Variants in CENPI observed in about 807,000 individuals in gnomAD.
CENPI encodes the protein FSH primary response 1.
Under a neutral mutation model 60.4 loss-of-function variants are expected in CENPI, and 4 were observed. The observed-to-expected ratio is 0.07, with a 90% CI of 0.03 to 0.15. The LOEUF is 0.15. Among genes scored for constraint, CENPI ranks in the 10% least tolerant of loss-of-function variants. The pLI is 1.00. For synonymous variants in CENPI, 157 were observed against 189.4 expected (o/e 0.83, Z 1.40); for missense variants, 444 against 534.5 (o/e 0.83, Z 1.67).
intron 7 of CENPI, 99 bp from the exon 8 acceptor site, chrX:101,120,639 C>T: frequency 1.2e-6 from 1 of 806,901 alleles, no homozygotes. Context: ...TGATATGTTA[C>T]AAGAAGAAAC....
rs1269101204 is a variant in CENPI at position 101,162,467 on chromosome X, A to AT, written c.2137-366_2137-365insT. On this transcript the variant is annotated intron_variant, in intron 21 of 21. Transcript: ENST00000682095. ...CAAAACCGTATCTCAAAAAAAAAAA[A>AT]AAAAAAATATATATATATATATATA... 2.3e-3 allele frequency among the ~76,000 whole-genome samples: 206 copies of AT among 89,358 alleles called. 1 individual carries two copies. Among genetic ancestry groups the AT allele is most frequent in the African/African-American group, 7.5e-3 (142 of 18,878 alleles). The allele number at this position is 89,358 out of a possible 115,157, so 77.6% of individuals were successfully genotyped here.
chrX:101,143,287 G>A (rs2148226691), intron 16 of CENPI, among the ~76,000 whole-genome samples: 2 of 110,202 alleles, frequency 1.8e-5, no homozygotes, highest in South Asian at 7.9e-4. Flanking sequence ...AGATAGGAGG[G>A]CAAAGCTATG....
At chrX:101,130,111 T>G (rs752971736) in intron 13 of CENPI, 38 bp downstream of exon 13, 1 of 953,690 alleles carries the variant, frequency 1.0e-6, no homozygotes, top group Admixed American at 2.3e-5. Flanking sequence ...TCCACCACTC[T>G]TTACTAAAAT....
At chrX:101,115,860 A>ATAGTATC (rs2089616904) in intron 6 of CENPI, among the ~76,000 whole-genome samples, 1 of 111,705 alleles carries the variant, frequency 9.0e-6, no homozygotes, top group Non-Finnish European at 1.9e-5. Context: ...ATCTGTCTCT[A>ATAGTATC]TGAATTTGCC....
At chrX:101,099,464 T>A (rs1353513654) in intron 2 of CENPI, among the ~76,000 whole-genome samples, 1 of 109,403 alleles carries the variant, frequency 9.1e-6, no homozygotes, top group Non-Finnish European at 1.9e-5. Flanking sequence ...TGTCTCACTA[T>A]GTTGCCCTCA....
At chrX:101,128,439 A>G (rs1410661734) in intron 11 of CENPI, among the ~76,000 whole-genome samples, 1 of 111,644 alleles carries the variant, frequency 9.0e-6, no homozygotes, top group Non-Finnish European at 1.9e-5. Context: ...CAGAGGTTGC[A>G]CTGAGCTGAG....
At chrX:101,126,870 T>G (rs1235660210) in intron 9 of CENPI, 72 bp downstream of exon 9, 1 of 946,560 alleles carries the variant, frequency 1.1e-6, no homozygotes, top group African/African-American at 1.9e-5. Context: ...AACTTACAGA[T>G]TTCAACTAAA....
At position 101,127,132 on chromosome X, in the gene CENPI, T is replaced by C. The variant is rs2089744378; in HGVS notation, c.778-6T>C. On this transcript the variant is annotated splice_polypyrimidine_tract_variant and splice_region_variant and intron_variant, in intron 9 of 21. Coordinates refer to ENST00000682095, the MANE Select transcript of CENPI (RefSeq NM_001386188.2). ...ACTCTCTTGTACTTTATATCCAAAT[T>C]TATAGATATATTTTAAGAATTCAGA... is the stretch of plus-strand genomic sequence containing the variant. The C allele has an allele frequency of 8.6e-7, 1 of 1,161,679 alleles. No individual in the cohort carries two copies. Among genetic ancestry groups the C allele is most frequent in the Non-Finnish European group, 1.1e-6 (1 of 870,687 alleles).
At chrX:101,166,671 C>T (rs764533673), downstream of CENPI, among the ~76,000 whole-genome samples, 9 of 112,498 alleles carry the variant, frequency 8.0e-5, no homozygotes, top group African/African-American at 2.6e-4. Flanking sequence ...TTTCTTTACC[C>T]AGTGTTTGTG....
chrX:101,168,729 C>A (rs1402445112), downstream of CENPI, among the ~76,000 whole-genome samples: 2 of 111,641 alleles, frequency 1.8e-5, no homozygotes, highest in Non-Finnish European at 3.8e-5. Flanking sequence ...TAAATGGGGT[C>A]ATTAGAGGCT....
rs1394571939 is a variant in CENPI at position 101,164,834 on chromosome X, A to G, written c.*1867A>G. 8.9e-6 allele frequency among the ~76,000 whole-genome samples: 1 copy of G among 112,378 alleles called. No individual in the cohort carries two copies. Among genetic ancestry groups the G allele is most frequent in the Non-Finnish European group, 1.9e-5 (1 of 53,335 alleles). On this transcript the variant is annotated 3_prime_UTR_variant, in exon 22 of 22. Coordinates refer to ENST00000682095, the MANE Select transcript of CENPI (RefSeq NM_001386188.2). ...ATATATCACATTTACTGATTTGTGT[A>G]TACTGAATCATCTTTGCATCCCGGG...
the CENPI span, among the ~76,000 whole-genome samples, chrX:101,174,900 G>A: frequency 8.1e-5 from 9 of 111,664 alleles, no homozygotes; most frequent in South Asian, 3.8e-4. Flanking sequence ...CTGAGGTCAG[G>A]AGTTTGAGAC....
At chrX:101,177,463 C>T in the CENPI span, among the ~76,000 whole-genome samples, 5 of 111,257 alleles carry the variant, frequency 4.5e-5, no homozygotes, top group Non-Finnish European at 7.5e-5. Context: ...TAGGTCACAG[C>T]GAGCATTGAG....
intron 2 of CENPI, among the ~76,000 whole-genome samples, chrX:101,099,101 TCTTTCTTTCTTTC>T (rs1356110362): frequency 9.0e-6 from 1 of 110,961 alleles, no homozygotes; most frequent in South Asian, 3.8e-4. Context: ...TCCCTCCCTT[TCTTTCTTTCTTTC>T]CTTTCTTTCT....
At chrX:101,108,889 C>T (rs146295989) in intron 4 of CENPI, among the ~76,000 whole-genome samples, 5,682 of 110,154 alleles carry the variant, frequency 0.052, 150 homozygotes, top group Admixed American at 0.1. Context: ...TCAAGTGATC[C>T]GCTTGCCTCG....
chrX:101,100,885 T>C (rs1384640524), intron 2 of CENPI, among the ~76,000 whole-genome samples, 173 bp from the exon 3 acceptor site: 2 of 112,149 alleles, frequency 1.8e-5, no homozygotes, highest in Non-Finnish European at 3.8e-5. Flanking sequence ...GCAAGGACTT[T>C]CTGAGAAAGT....
intron 6 of CENPI, among the ~76,000 whole-genome samples, chrX:101,112,627 C>T (rs1387538967): frequency 3.6e-5 from 4 of 112,147 alleles, no homozygotes; most frequent in African/African-American, 1.3e-4. Context: ...TTTCTTCATG[C>T]AATTCAATCA....
Position 101,164,020 on chromosome X carries a change from C to CA in CENPI, c.*1070dup, listed in dbSNP as rs35365475. On this transcript the variant is annotated 3_prime_UTR_variant, in exon 22 of 22. Coordinates refer to ENST00000682095, the MANE Select transcript of CENPI (RefSeq NM_001386188.2). ...ACTGCACTCCAGCGAGACTCTGTCTCAAAAAAAAAAAAAAAAATTACCTCA... is the reference window on the plus strand; with the variant it reads ...ACTGCACTCCAGCGAGACTCTGTCTCAAAAAAAAAAAAAAAAAATTACCTCA... Among the ~76,000 whole-genome samples, 146 of 87,734 alleles carry CA rather than the reference C, an allele frequency of 1.7e-3. No homozygotes were observed. The highest frequency in any genetic ancestry group is 4.6e-3 in the East Asian group (12 of 2,621). 76.2% of individuals were successfully genotyped at this position (87,734 alleles called of 115,157 possible). A position where few individuals can be genotyped will look rare whatever the true frequency, so the allele number is the denominator to read the frequency against.
At chrX:101,109,617 T>C in intron 5 of CENPI, 26 bp downstream of exon 5, 2 of 1,092,684 alleles carry the variant, frequency 1.8e-6, no homozygotes, top group Non-Finnish European at 2.5e-6. Flanking sequence ...ACTTTGATGA[T>C]AAGTCCTTCA....
Sources: allele counts gnomAD v4.1 joint callset (sites outside exome capture counted in the v4.1 genomes callset), GRCh38; gene constraint gnomAD v4.1.1; transcripts MANE v1.5; gene names NCBI Gene and HGNC (gene_info 2026-07-23, HGNC 2026-07-21).